Variants in KIF16B observed in about 807,000 individuals in gnomAD.
The protein encoded by KIF16B is kinesin-like protein KIF16B.
KIF16B carries 98 observed loss-of-function variants against 156.3 expected under a neutral mutation model. That is an observed-to-expected ratio of 0.63 (90% CI 0.53 to 0.74). The LOEUF is 0.74. Among genes scored for constraint, KIF16B ranks in the 30% least tolerant of loss-of-function variants. The pLI is 0.00. For missense variants in KIF16B, 1,421 were observed against 1,606.5 expected (o/e 0.88, Z 1.97); for synonymous variants, 564 against 583.7 (o/e 0.97, Z 0.49).
intron 4 of KIF16B, among the ~76,000 whole-genome samples, chr20:16,514,656 C>T (rs1434028650): frequency 6.7e-6 from 1 of 149,854 alleles, no homozygotes; most frequent in African/African-American, 2.5e-5. Flanking sequence ...TTTGGGAGGC[C>T]GAGGCAGGCG....
intron 1 of KIF16B, among the ~76,000 whole-genome samples, chr20:16,546,551 C>G (rs888139824): frequency 6.6e-6 from 1 of 152,104 alleles, no homozygotes; most frequent in African/African-American, 2.4e-5. Flanking sequence ...CCTTTCTGAC[C>G]CTTTCCCAAA....
At chr20:16,561,332 T>C (rs2071054006) in intron 1 of KIF16B, among the ~76,000 whole-genome samples, 1 of 152,136 alleles carries the variant, frequency 6.6e-6, no homozygotes, top group African/African-American at 2.4e-5. Flanking sequence ...TCAGCATGCA[T>C]TGAGCAGATG....
At chr20:16,531,905 T>C (rs1480345217) in intron 1 of KIF16B, among the ~76,000 whole-genome samples, 1 of 151,830 alleles carries the variant, frequency 6.6e-6, no homozygotes, top group Non-Finnish European at 1.5e-5. Flanking sequence ...CCGCCTCTAC[T>C]AAAAAGACAA....
At chr20:16,283,908 T>C (rs1054614466) in intron 25 of KIF16B, among the ~76,000 whole-genome samples, 3 of 152,188 alleles carry the variant, frequency 2.0e-5, no homozygotes, top group Non-Finnish European at 4.4e-5. Flanking sequence ...TGAGGTTCCC[T>C]TGCTGACTCT....
At chr20:16,463,226 C>A (rs143945780) in intron 12 of KIF16B, among the ~76,000 whole-genome samples, 30 of 152,132 alleles carry the variant, frequency 2.0e-4, no homozygotes, top group Admixed American at 2.0e-3. Context: ...CACTCTTAAC[C>A]TCACTCCTTG....
intron 15 of KIF16B, among the ~76,000 whole-genome samples, chr20:16,414,124 G>A (rs992335380): frequency 5.3e-5 from 8 of 151,948 alleles, no homozygotes; most frequent in African/African-American, 1.9e-4. Context: ...CTTAGACTTG[G>A]TGACACAGAT....
intron 24 of KIF16B, among the ~76,000 whole-genome samples, chr20:16,320,829 G>A (rs1290385129): frequency 6.6e-6 from 1 of 152,106 alleles, no homozygotes; most frequent in Non-Finnish European, 1.5e-5. Flanking sequence ...GAGTCACTTA[G>A]TAATTTATAA....
At chr20:16,287,747 G>C (rs1160799571) in intron 25 of KIF16B, among the ~76,000 whole-genome samples, 1 of 152,178 alleles carries the variant, frequency 6.6e-6, no homozygotes, top group East Asian at 1.9e-4. Context: ...CAAGCTTCTG[G>C]GGAAACCTCA....
At chr20:16,364,986 C>T (rs1184475333) in intron 22 of KIF16B, among the ~76,000 whole-genome samples, 2 of 152,196 alleles carry the variant, frequency 1.3e-5, no homozygotes, top group Non-Finnish European at 2.9e-5. Context: ...TAATATTTAA[C>T]ACTCTTTGTT....
intron 22 of KIF16B, among the ~76,000 whole-genome samples, chr20:16,361,755 CG>C (rs2123202194): frequency 6.6e-6 from 1 of 152,252 alleles, no homozygotes; most frequent in Admixed American, 6.5e-5. Flanking sequence ...TTAAGTTTAG[CG>C]GCCTTTGGAT....
At chr20:16,396,120 C>G (rs4813218) in intron 17 of KIF16B, among the ~76,000 whole-genome samples, 1 of 152,028 alleles carries the variant, frequency 6.6e-6, no homozygotes, top group African/African-American at 2.4e-5. Context: ...AAATAAGGTA[C>G]GGCAGGGGTA....
At chr20:16,357,982 G>A (rs1009151618) in intron 22 of KIF16B, among the ~76,000 whole-genome samples, 1 of 152,224 alleles carries the variant, frequency 6.6e-6, no homozygotes, top group Non-Finnish European at 1.5e-5. Flanking sequence ...GAGGTCAGGA[G>A]ATCGAGACCA....
At position 16,488,223 on chromosome 20, in the gene KIF16B, G is replaced by T. The variant is rs6044016; in HGVS notation, c.1302+6068C>A. Among the ~76,000 whole-genome samples the T allele has an allele frequency of 1.6e-3, 240 of 152,300 alleles. 1 individual carries two copies. Among genetic ancestry groups the T allele is most frequent in the African/African-American group, 5.3e-3 (219 of 41,582 alleles). The stretch of plus-strand genomic sequence containing the variant: ...GGAAGGATTCAAACAGCACCCTCAG[G>T]GCTGCGAGGACCACTTTGCAGCTCT... On this transcript the variant is annotated intron_variant, in intron 12 of 25. Transcript: ENST00000354981.
chr20:16,535,453 C>T (rs1600648950), intron 1 of KIF16B, among the ~76,000 whole-genome samples: 1 of 152,142 alleles, frequency 6.6e-6, no homozygotes, highest in Non-Finnish European at 1.5e-5. Context: ...AATTTGACTT[C>T]CTCTTTTCCA....
rs907641708 is a variant in KIF16B, at chr20:16,563,821, C to T, written c.47+9408G>A. ...ATACACCTTGTATAAGTGTATTTTG[C>T]ACACAAAGATATTTTAAAATATTGT... On this transcript the variant is annotated intron_variant, in intron 1 of 25. Coordinates refer to ENST00000354981, the MANE Select transcript of KIF16B (RefSeq NM_024704.5). 2.0e-5 allele frequency among the ~76,000 whole-genome samples: 3 copies of T among 152,126 alleles called. No individual in the cohort carries two copies. The East Asian group carries it at 5.8e-4, about 29-fold the overall frequency.
chr20:16,570,699 T>C (rs2071420016), intron 1 of KIF16B, among the ~76,000 whole-genome samples: 1 of 152,186 alleles, frequency 6.6e-6, no homozygotes, highest in African/African-American at 2.4e-5. Context: ...AAGGACACCA[T>C]CTTATTCTCA....
intron 11 of KIF16B, among the ~76,000 whole-genome samples, chr20:16,497,095 A>G (rs1050194818): frequency 1.4e-4 from 22 of 152,144 alleles, no homozygotes; most frequent in African/African-American, 4.8e-4. Context: ...GCTTTAGCCC[A>G]TAACAGCTCC....
intron 17 of KIF16B, among the ~76,000 whole-genome samples, chr20:16,391,987 C>T (rs1262560928): frequency 6.6e-6 from 1 of 152,204 alleles, no homozygotes; most frequent in African/African-American, 2.4e-5. Flanking sequence ...TACAGACCAC[C>T]TGAGTGAGGA....
chr20:16,282,018 T>C (rs1601482628), intron 25 of KIF16B, among the ~76,000 whole-genome samples: 1 of 148,956 alleles, frequency 6.7e-6, no homozygotes, highest in Non-Finnish European at 1.5e-5. Flanking sequence ...ATTCTTTTTT[T>C]TCTTTTTCTG....
Sources: allele counts gnomAD v4.1 joint callset (sites outside exome capture counted in the v4.1 genomes callset), GRCh38; gene constraint gnomAD v4.1.1; transcripts MANE v1.5; gene names NCBI Gene and HGNC (gene_info 2026-07-23, HGNC 2026-07-21).